ST8SIA5: variants seen among roughly 807,000 people sequenced by gnomAD.
ST8SIA5 encodes alpha-2,8-sialyltransferase 8E.
A neutral mutation model predicts 40.2 loss-of-function variants in ST8SIA5; 24 were observed. The observed-to-expected ratio is 0.60, with a 90% CI of 0.43 to 0.84. ST8SIA5 has a LOEUF of 0.84. ST8SIA5 is among the 40% of genes least tolerant of loss of function. The pLI is 0.00. For missense variants in ST8SIA5, 465 were observed against 498.5 expected, an observed-to-expected ratio of 0.93 and a Z score of 0.64; for synonymous variants, 198 against 201.8, an observed-to-expected ratio of 0.98 and a Z score of 0.16.
rs1304392183 is a variant in ST8SIA5 at position 46,726,009 on chromosome 18, A to C, written c.132-21345T>G. On this transcript the variant is annotated intron_variant, in intron 1 of 6. Transcript: ENST00000315087. Reference sequence around the variant, plus strand: ...TATATATATATATATATATATATATATCCTGGATATATATATATATCCTGG... The same window carrying C: ...TATATATATATATATATATATATATCTCCTGGATATATATATATATCCTGG... Among the ~76,000 whole-genome samples the C allele has an allele frequency of 4.1e-4, 25 of 60,942 alleles. 2 individuals carry two copies. Among genetic ancestry groups the C allele is most frequent in the Non-Finnish European group, 4.3e-4 (14 of 32,818 alleles). 40.0% of individuals were successfully genotyped at this position (60,942 alleles called of 152,430 possible).
intron 5 of ST8SIA5, among the ~76,000 whole-genome samples, chr18:46,683,672 G>A (rs2039419263): frequency 6.6e-6 from 1 of 151,898 alleles, no homozygotes; most frequent in Admixed American, 6.6e-5. Context: ...CCTACTTTAT[G>A]ATCCAACCAT....
chr18:46,680,828 G>A (rs1183135436), intron 6 of ST8SIA5, among the ~76,000 whole-genome samples: 2 of 152,186 alleles, frequency 1.3e-5, no homozygotes, highest in Non-Finnish European at 2.9e-5. Flanking sequence ...AAGTGGCTGC[G>A]GGAGTGGAGG....
Position 46,668,596 on chromosome 18 carries a change from T to C in ST8SIA5, c.*11446A>G, listed in dbSNP as rs564194461. On this transcript the variant is annotated 3_prime_UTR_variant, in exon 7 of 7. Transcript: ENST00000315087. ...TGCTTATTGAGATACAGTGTTAATTTTTAAGAAAATACATAGACAAATGCA... is the reference window on the plus strand; with the variant it reads ...TGCTTATTGAGATACAGTGTTAATTCTTAAGAAAATACATAGACAAATGCA... The C allele has an allele frequency of 6.6e-6, 1 of 152,420 alleles. No homozygotes were observed. Among genetic ancestry groups the C allele is most frequent in the South Asian group, 2.1e-4 (1 of 4,828 alleles). 9.4% of individuals were successfully genotyped at this position (152,420 alleles called of 1,614,324 possible).
At chr18:46,751,941 A>T (rs1287917428) in intron 1 of ST8SIA5, among the ~76,000 whole-genome samples, 1 of 152,112 alleles carries the variant, frequency 6.6e-6, no homozygotes, top group Non-Finnish European at 1.5e-5. Context: ...GGGTAGCTCC[A>T]CGCACGAGGA....
rs1348493579 is a variant in ST8SIA5 at position 46,714,644 on chromosome 18, C to A, written c.132-9980G>T. On this transcript the variant is annotated intron_variant, in intron 1 of 6. Transcript: ENST00000315087. ...GGAAGTGCTGTGCGTCTGGGGCGAA[C>A]CTAGGCCCACTCAGAGAACCCCAGG... Among the ~76,000 whole-genome samples, 4 of 152,244 alleles carry A rather than the reference C, an allele frequency of 2.6e-5. No individual in the cohort carries two copies. The South Asian group carries it at 6.2e-4, about 24-fold the overall frequency.
chr18:46,685,972 G>A, intron 5 of ST8SIA5: 1 of 602,202 alleles, frequency 1.7e-6, no homozygotes, highest in Non-Finnish European at 3.0e-6. Flanking sequence ...TTGTGCAGAT[G>A]TGGAAACTGA....
At chr18:46,691,076 G>C (rs936524920) in intron 3 of ST8SIA5, among the ~76,000 whole-genome samples, 1 of 152,202 alleles carries the variant, frequency 6.6e-6, no homozygotes, top group African/African-American at 2.4e-5. Context: ...ACATTTCTAA[G>C]GGGCCAATTG....
intron 1 of ST8SIA5, among the ~76,000 whole-genome samples, chr18:46,715,870 G>A (rs535820558): frequency 6.6e-6 from 1 of 152,220 alleles, no homozygotes; most frequent in East Asian, 1.9e-4. Flanking sequence ...TTATAGGCAT[G>A]AGCAACTGTG....
intron 5 of ST8SIA5, 101 bp downstream of exon 5, chr18:46,686,073 G>T: frequency 9.2e-7 from 1 of 1,091,554 alleles, no homozygotes; most frequent in Non-Finnish European, 1.4e-6. Flanking sequence ...GGTGGGAAGT[G>T]GGGATTACTT....
rs568039337 is a variant in ST8SIA5, at chr18:46,728,047, T to C, written c.132-23383A>G. Among the ~76,000 whole-genome samples, 3 of 151,950 alleles carry C rather than the reference T, an allele frequency of 2.0e-5. No homozygotes were observed. The South Asian group carries it at 6.2e-4, about 32-fold the overall frequency. Reference sequence around the variant, plus strand: ...CCATCTCTACTAAAAATACAGAAATTAGCTGGGTATGGAGGCATGAGCCTG... The same window carrying C: ...CCATCTCTACTAAAAATACAGAAATCAGCTGGGTATGGAGGCATGAGCCTG... On this transcript the variant is annotated intron_variant, in intron 1 of 6. Coordinates refer to ENST00000315087, the MANE Select transcript of ST8SIA5 (RefSeq NM_013305.6).
At chr18:46,744,970 G>T (rs1183058385) in intron 1 of ST8SIA5, among the ~76,000 whole-genome samples, 1 of 152,134 alleles carries the variant, frequency 6.6e-6, no homozygotes, top group East Asian at 1.9e-4. Context: ...TGACTACTGG[G>T]TAAATAACGA....
intron 6 of ST8SIA5, 141 bp downstream of exon 6, chr18:46,681,831 T>C (rs1247021397): frequency 1.4e-6 from 1 of 722,592 alleles, no homozygotes; most frequent in East Asian, 2.9e-5. Flanking sequence ...TGTTTTTGTA[T>C]TAAGTCTTTG....
At chr18:46,695,057 G>A (rs2039544209) in intron 2 of ST8SIA5, among the ~76,000 whole-genome samples, 1 of 151,840 alleles carries the variant, frequency 6.6e-6, no homozygotes, top group Non-Finnish European at 1.5e-5. Context: ...TAGTTGGGAG[G>A]CTGAGGCAGG....
intron 1 of ST8SIA5, among the ~76,000 whole-genome samples, chr18:46,724,946 G>A (rs1423398503): frequency 6.6e-6 from 1 of 150,910 alleles, no homozygotes; most frequent in Non-Finnish European, 1.5e-5. Context: ...CTGCACTCCA[G>A]CCTGGGTGAC....
At chr18:46,721,575 G>T in intron 1 of ST8SIA5, 1 of 922,620 alleles carries the variant, frequency 1.1e-6, no homozygotes, top group Non-Finnish European at 1.7e-6. Flanking sequence ...CATTGCCTTG[G>T]TCATGCAATT....
At chr18:46,698,404 CAACA>C (rs2039578265) in intron 2 of ST8SIA5, among the ~76,000 whole-genome samples, 1 of 151,890 alleles carries the variant, frequency 6.6e-6, no homozygotes, top group Admixed American at 6.6e-5. Flanking sequence ...CCCACTACAA[CAACA>C]ATCAAAACAA....
chr18:46,722,423 C>A (rs116794165), intron 1 of ST8SIA5, among the ~76,000 whole-genome samples: 3,497 of 152,284 alleles, frequency 0.023, 126 homozygotes, highest in African/African-American at 0.079. Context: ...AGTGGATGTG[C>A]CTGAAAGTCT....
intron 1 of ST8SIA5, among the ~76,000 whole-genome samples, chr18:46,707,029 T>C (rs1319409446): frequency 1.3e-5 from 2 of 152,204 alleles, no homozygotes; most frequent in African/African-American, 4.8e-5. Context: ...GATTCTGTTA[T>C]CTGCAAATAA....
At chr18:46,723,924 CT>C (rs759050087) in intron 1 of ST8SIA5, among the ~76,000 whole-genome samples, 2 of 147,644 alleles carry the variant, frequency 1.4e-5, no homozygotes, top group Non-Finnish European at 3.0e-5. Context: ...AAAACTCCAT[CT>C]AAAAAAAAAA....
Sources: allele counts gnomAD v4.1 joint callset (sites outside exome capture counted in the v4.1 genomes callset), GRCh38; gene constraint gnomAD v4.1.1; transcripts MANE v1.5; gene names NCBI Gene and HGNC (gene_info 2026-07-23, HGNC 2026-07-21).